Variants in RIMBP2 observed in about 807,000 individuals in gnomAD.
RIMBP2 encodes the protein RIMS binding protein 2, also known as RIMS-binding protein 2.
In RIMBP2, 48 loss-of-function variants were observed where a neutral mutation model predicts 118.6. The ratio of observed to expected loss-of-function variants is 0.40; its 90% CI spans 0.32 to 0.51. The LOEUF (loss-of-function observed/expected upper bound fraction) is 0.51. RIMBP2 is among the 20% of genes least tolerant of loss of function. The pLI is 0.41. For synonymous variants in RIMBP2, 762 were observed against 742.9 expected (o/e 1.03, Z -0.42); for missense variants, 1,551 against 1,768.3 (o/e 0.88, Z 2.20).
At chr12:130,509,793 C>T (rs2050733911) in intron 3 of RIMBP2, among the ~76,000 whole-genome samples, 1 of 152,074 alleles carries the variant, frequency 6.6e-6, no homozygotes, top group Non-Finnish European at 1.5e-5. Context: ...CTGCTCCATC[C>T]TCCAGTTTGC....
At chr12:130,687,594 T>C (rs912113560) in intron 1 of RIMBP2, among the ~76,000 whole-genome samples, 1 of 152,234 alleles carries the variant, frequency 6.6e-6, no homozygotes, top group Non-Finnish European at 1.5e-5. Context: ...TCTAGGTGAC[T>C]GGGCATTGAA....
intron 1 of RIMBP2, among the ~76,000 whole-genome samples, chr12:130,629,902 T>C (rs1288869240): frequency 7.0e-6 from 1 of 143,472 alleles, no homozygotes; most frequent in Non-Finnish European, 1.5e-5. Flanking sequence ...AAACCTCTAA[T>C]ATGGAAGAGT....
chr12:130,672,322 C>A lies in RIMBP2; in HGVS notation c.-351-43866G>T, dbSNP rs577035369. On this transcript the variant is annotated intron_variant, in intron 1 of 22. Coordinates refer to ENST00000690449, the MANE Select transcript of RIMBP2 (RefSeq NM_001393629.1). ...ATCAATTAAATCACTCGCTTGGCAG[C>A]ATTATTTATGGAAATAAGAAATCGT... is the stretch of plus-strand genomic sequence containing the variant. Among the ~76,000 whole-genome samples the A allele has an allele frequency of 2.0e-5, 3 of 152,354 alleles. No homozygotes were observed. In the South Asian group the frequency reaches 6.2e-4, roughly 32 times the overall value.
chr12:130,421,689 A>ATGTGTGTGTGTG (rs1336875443), intron 17 of RIMBP2, among the ~76,000 whole-genome samples: 9,048 of 106,600 alleles, frequency 0.085, 378 homozygotes, highest in Middle Eastern at 0.17. Context: ...CCCTGCATTT[A>ATGTGTGTGTGTG]TATGTGTGTG....
At chr12:130,459,177 G>A (rs1009612190) in intron 6 of RIMBP2, among the ~76,000 whole-genome samples, 1 of 152,000 alleles carries the variant, frequency 6.6e-6, no homozygotes, top group African/African-American at 2.4e-5. Context: ...GACGAGGGAC[G>A]GTGCCATGAG....
chr12:130,625,717 A>G (rs986105945), intron 2 of RIMBP2, among the ~76,000 whole-genome samples: 5 of 152,240 alleles, frequency 3.3e-5, no homozygotes, highest in African/African-American at 1.2e-4. Context: ...CATTCCAAAT[A>G]TAGGAAAGAC....
chr12:130,456,452 ATT>A, intron 7 of RIMBP2, 42 bp downstream of exon 7: 3 of 1,510,792 alleles, frequency 2.0e-6, no homozygotes, highest in Non-Finnish European at 2.7e-6. Context: ...GCCAACGGCC[ATT>A]CTCTCCCCAC....
intron 18 of RIMBP2, 61 bp downstream of exon 18, chr12:130,414,064 C>T: frequency 1.9e-6 from 3 of 1,547,094 alleles, no homozygotes; most frequent in Non-Finnish European, 2.7e-6. Context: ...CAGTCTCTGC[C>T]CCCATGACCC....
intron 6 of RIMBP2, among the ~76,000 whole-genome samples, chr12:130,459,354 G>A (rs2079770586): frequency 6.6e-6 from 1 of 151,904 alleles, no homozygotes. Context: ...ATGCTACAGT[G>A]CTGCTCCCAC....
chr12:130,400,640 G>A (rs964678045), intron 21 of RIMBP2, among the ~76,000 whole-genome samples: 1 of 152,158 alleles, frequency 6.6e-6, no homozygotes, highest in African/African-American at 2.4e-5. Context: ...GACATAAAGA[G>A]CCTACTACAT....
At chr12:130,474,982 T>C (rs913244032) in intron 5 of RIMBP2, among the ~76,000 whole-genome samples, 10 of 152,196 alleles carry the variant, frequency 6.6e-5, no homozygotes, top group African/African-American at 2.4e-4. Context: ...AATGAGCTCT[T>C]GCTCCCGGTC....
Position 130,442,378 on chromosome 12 carries a change from T to G in RIMBP2, c.974A>C (p.Gln325Pro). Residue 325 changes from glutamine (Q) to proline (P), a missense_variant, in exon 11 of 23, where the codon CAA becomes CCA. Gln to Pro is a moderately conservative substitution (Grantham distance 76). Around this residue, in one of 5 missense-constraint regions of RIMBP2, gnomAD observed 265 missense variants for 349.5 expected, o/e 0.76. Transcript: ENST00000690449. The surrounding 1 kb of genome is among the most constrained non-coding windows in gnomAD (Gnocchi z 6.9). ...GCCCACAATAACACTTTTGGCGAGT[T>G]GTTTGATGAGGGTGATTTTTCTAGG... ...PYPRKITLIK[Q>P]LAKSVIVGWE... 1 of 1,614,114 alleles carries G rather than the reference T, an allele frequency of 6.2e-7. No individual in the cohort carries two copies. The highest frequency in any genetic ancestry group is 8.5e-7 in the Non-Finnish European group (1 of 1,180,002).
intron 2 of RIMBP2, among the ~76,000 whole-genome samples, chr12:130,564,200 C>A (rs969512927): frequency 6.7e-6 from 1 of 150,002 alleles, no homozygotes; most frequent in Non-Finnish European, 1.5e-5. Flanking sequence ...CTCCCAGGTG[C>A]CCACGTGGCT....
chr12:130,452,028 G>A (rs1484304011), intron 7 of RIMBP2, among the ~76,000 whole-genome samples: 1 of 152,152 alleles, frequency 6.6e-6, no homozygotes, highest in Non-Finnish European at 1.5e-5. Context: ...GCCCTGTCCT[G>A]GTTGCCTGGA....
chr12:130,399,622 T>C, intron 22 of RIMBP2, 57 bp downstream of exon 22: 1 of 1,592,178 alleles, frequency 6.3e-7, no homozygotes, highest in Non-Finnish European at 8.6e-7. Context: ...AAGATTGTAT[T>C]AGACCACATA....
intron 3 of RIMBP2, among the ~76,000 whole-genome samples, chr12:130,510,354 T>C (rs1469488046): frequency 6.6e-6 from 1 of 151,610 alleles, no homozygotes; most frequent in Non-Finnish European, 1.5e-5. Flanking sequence ...GGGGAACGAA[T>C]GGGTGTGTTG....
intron 2 of RIMBP2, among the ~76,000 whole-genome samples, chr12:130,545,096 T>A (rs2054989592): frequency 1.3e-5 from 2 of 152,228 alleles, no homozygotes; most frequent in Admixed American, 6.5e-5. Context: ...CTGGTAAATC[T>A]ATCTGGGGAC....
intron 3 of RIMBP2, among the ~76,000 whole-genome samples, chr12:130,514,979 C>T (rs2139003235): frequency 6.6e-6 from 1 of 152,218 alleles, no homozygotes; most frequent in Non-Finnish European, 1.5e-5. Flanking sequence ...CGGGTTCATG[C>T]CATTCTCCTG....
intron 1 of RIMBP2, among the ~76,000 whole-genome samples, chr12:130,713,759 G>C (rs575124781): frequency 6.6e-6 from 1 of 152,188 alleles, no homozygotes; most frequent in Non-Finnish European, 1.5e-5. Context: ...CACAAAGGAA[G>C]CTCCCGGGTC....
Sources: gnomAD v4.1 joint callset for allele counts (sites outside exome capture counted in the v4.1 genomes callset) on GRCh38, gnomAD v4.1.1 for gene constraint, gnomAD v4.1.1 regional missense constraint, Gnocchi (gnomAD v3.1) non-coding constraint, MANE v1.5 for transcripts, NCBI Gene and HGNC (gene_info 2026-07-23, HGNC 2026-07-21) for gene names.